SPAG16: variants seen among roughly 807,000 people sequenced by gnomAD.
The protein encoded by SPAG16 is sperm associated antigen 16.
A neutral mutation model predicts 80.4 loss-of-function variants in SPAG16; 86 were observed. That is an observed-to-expected ratio of 1.07 (90% CI 0.90 to 1.28). The LOEUF is 1.28. SPAG16 is among the 50% of genes most tolerant of loss of function. SPAG16 has a pLI of 0.00. For synonymous variants in SPAG16, 294 were observed against 265.9 expected (o/e 1.11, Z -1.03); for missense variants, 870 against 765.3 (o/e 1.14, Z -1.61).
intron 10 of SPAG16, among the ~76,000 whole-genome samples, chr2:213,748,921 G>T (rs2067955782): frequency 6.6e-6 from 1 of 152,152 alleles, no homozygotes; most frequent in Non-Finnish European, 1.5e-5. Context: ...GGCCTAGGCA[G>T]GGGGATCATG....
chr2:214,063,912 T>C (rs1349732601), intron 13 of SPAG16, among the ~76,000 whole-genome samples: 2 of 151,990 alleles, frequency 1.3e-5, no homozygotes, highest in African/African-American at 4.8e-5. Context: ...TCGACTGTTT[T>C]GTTAATTTAT....
At chr2:214,237,591 T>A (rs1175522071) in intron 15 of SPAG16, among the ~76,000 whole-genome samples, 1 of 152,128 alleles carries the variant, frequency 6.6e-6, no homozygotes, top group Non-Finnish European at 1.5e-5. Context: ...CTTTCATTAC[T>A]GTAAAATGTG....
At position 213,340,193 on chromosome 2, in the gene SPAG16, G is replaced by A; in HGVS notation, c.567G>A (p.Gln189=). ...CTAGAGAAGATTTGCTGAAAATTCA[G>A]AAAGAACGTGATTTTCATCGAATGC... is the stretch of plus-strand genomic sequence containing the variant. The part of the protein sequence containing the change: ...DKAREDLLKI[Q]KERDFHRMHH... The change falls in exon 6 of 16, where the codon CAG becomes CAA. Residue 189 remains glutamine (Q), a synonymous_variant. Coordinates refer to ENST00000331683, the MANE Select transcript of SPAG16 (RefSeq NM_024532.5). 2 of 1,610,840 alleles carry A rather than the reference G, an allele frequency of 1.2e-6. No individual in the cohort carries two copies. The highest frequency in any genetic ancestry group is 2.2e-5 in the South Asian group (2 of 90,422).
intron 5 of SPAG16, among the ~76,000 whole-genome samples, chr2:213,329,901 C>T (rs1192991281): frequency 6.6e-6 from 1 of 152,202 alleles, no homozygotes; most frequent in Non-Finnish European, 1.5e-5. Context: ...GCTACTCCAG[C>T]CATGACTAAA....
chr2:213,585,679 AT>A (rs541231996), intron 10 of SPAG16, among the ~76,000 whole-genome samples: 4 of 151,854 alleles, frequency 2.6e-5, no homozygotes, highest in African/African-American at 9.7e-5. Context: ...CATAGCAAGC[AT>A]TTTTTTTGCA....
intron 15 of SPAG16, among the ~76,000 whole-genome samples, chr2:214,243,545 T>C (rs930824943): frequency 1.3e-5 from 2 of 152,070 alleles, no homozygotes; most frequent in African/African-American, 4.8e-5. Flanking sequence ...GATATATAAA[T>C]ATTCACATAA....
intron 9 of SPAG16, among the ~76,000 whole-genome samples, chr2:213,429,002 G>A (rs1370237941): frequency 6.6e-6 from 1 of 151,616 alleles, no homozygotes; most frequent in Non-Finnish European, 1.5e-5. Context: ...TAAGGCAGGA[G>A]AATTGCTTGA....
intron 10 of SPAG16, among the ~76,000 whole-genome samples, chr2:213,689,979 A>G (rs192539583): frequency 6.7e-4 from 102 of 152,208 alleles, no homozygotes; most frequent in South Asian, 8.3e-4. Flanking sequence ...TCAGACCATC[A>G]TTTTGCTAAA....
At chr2:213,801,157 G>T (rs1323237401) in intron 10 of SPAG16, among the ~76,000 whole-genome samples, 1 of 152,188 alleles carries the variant, frequency 6.6e-6, no homozygotes, top group Non-Finnish European at 1.5e-5. Flanking sequence ...AATAGTTATT[G>T]TCAAATCAAC....
At chr2:213,809,510 A>C (rs2071990925) in intron 10 of SPAG16, among the ~76,000 whole-genome samples, 1 of 152,180 alleles carries the variant, frequency 6.6e-6, no homozygotes, top group South Asian at 2.1e-4. Flanking sequence ...AATACTAGAG[A>C]AAATAATTAT....
At chr2:213,468,908 G>A (rs1434802638) in intron 9 of SPAG16, among the ~76,000 whole-genome samples, 1 of 151,952 alleles carries the variant, frequency 6.6e-6, no homozygotes, top group African/African-American at 2.4e-5. Context: ...TTCAGCATAG[G>A]AGAAAGATGT....
chr2:214,094,541 T>G (rs1049484201), intron 13 of SPAG16, among the ~76,000 whole-genome samples: 3 of 152,072 alleles, frequency 2.0e-5, no homozygotes, highest in African/African-American at 7.2e-5. Context: ...AATTTGACAA[T>G]TATTGTTCTA....
chr2:214,202,229 G>A (rs1052418858), intron 15 of SPAG16, among the ~76,000 whole-genome samples: 3 of 152,176 alleles, frequency 2.0e-5, no homozygotes, highest in Non-Finnish European at 4.4e-5. Context: ...TAGAAAGAAA[G>A]AGTTTAACTT....
At chr2:214,147,097 G>A (rs887659265) in intron 14 of SPAG16, among the ~76,000 whole-genome samples, 1 of 152,098 alleles carries the variant, frequency 6.6e-6, no homozygotes, top group Non-Finnish European at 1.5e-5. Context: ...TCTAGCTAAA[G>A]GATGTTAGTT....
At position 213,459,856 on chromosome 2, in the gene SPAG16, T is replaced by A. The variant is rs531012109; in HGVS notation, c.943-30107T>A. On this transcript the variant is annotated intron_variant, in intron 9 of 15. Transcript: ENST00000331683. ...CTACTTGCTTTTAAATGGAGTGTTATTCCACATAACCTTGTTCATCATTAC... is the reference window on the plus strand; with the variant it reads ...CTACTTGCTTTTAAATGGAGTGTTAATCCACATAACCTTGTTCATCATTAC... 2.6e-5 allele frequency among the ~76,000 whole-genome samples: 4 copies of A among 152,382 alleles called. No homozygotes were observed. The South Asian group carries it at 8.3e-4, about 32-fold the overall frequency.
Position 213,749,636 on chromosome 2 carries a change from G to T in SPAG16, c.1071-112849G>T, listed in dbSNP as rs2067993633. Among the ~76,000 whole-genome samples, 5 of 152,238 alleles carry T rather than the reference G, an allele frequency of 3.3e-5. No homozygotes were observed. In the South Asian group the frequency reaches 1.0e-3, roughly 32 times the overall value. On this transcript the variant is annotated intron_variant, in intron 10 of 15. Transcript: ENST00000331683. ...TATAGATTTAAATAAAACAAACTTA[G>T]ATTTAAACTGCTTAAGCTAAAGATC...
chr2:213,919,411 T>C (rs1285436345), intron 11 of SPAG16, among the ~76,000 whole-genome samples: 1 of 152,218 alleles, frequency 6.6e-6, no homozygotes, highest in Non-Finnish European at 1.5e-5. Flanking sequence ...AACTTTTTGA[T>C]GTGGGCATTT....
At chr2:213,687,782 G>C (rs928778736) in intron 10 of SPAG16, among the ~76,000 whole-genome samples, 8 of 152,140 alleles carry the variant, frequency 5.3e-5, no homozygotes, top group Non-Finnish European at 1.2e-4. Context: ...TCGGAACTGA[G>C]AGTATATAGT....
chr2:213,752,010 T>A (rs2068098441), intron 10 of SPAG16, among the ~76,000 whole-genome samples: 3 of 152,328 alleles, frequency 2.0e-5, no homozygotes, highest in Admixed American at 2.0e-4. Context: ...GTGATACCTA[T>A]AATTAAAGGT....
Sources: gnomAD v4.1 joint callset for allele counts (sites outside exome capture counted in the v4.1 genomes callset) on GRCh38, gnomAD v4.1.1 for gene constraint, MANE v1.5 for transcripts, NCBI Gene and HGNC (gene_info 2026-07-23, HGNC 2026-07-21) for gene names.